Variants in CHRM3 observed in about 807,000 individuals in gnomAD.
CHRM3 encodes muscarinic acetylcholine receptor M3.
In CHRM3, 11 loss-of-function variants were observed where a neutral mutation model predicts 41.8. That is an observed-to-expected ratio of 0.26 (90% CI 0.17 to 0.44). The LOEUF (loss-of-function observed/expected upper bound fraction) is 0.44. CHRM3 is among the 20% of genes least tolerant of loss of function. The pLI is 1.00. For synonymous variants in CHRM3, 297 were observed against 301.4 expected, an observed-to-expected ratio of 0.99 and a Z score of 0.15; for missense variants, 571 against 745.4, an observed-to-expected ratio of 0.77 and a Z score of 2.72.
At chr1:239,773,707 A>G (rs1048092683) in intron 5 of CHRM3, among the ~76,000 whole-genome samples, 1 of 152,152 alleles carries the variant, frequency 6.6e-6, no homozygotes, top group Non-Finnish European at 1.5e-5. Context: ...GCTATCAATC[A>G]CTAGTCAAGG....
In CHRM3 at chr1:239,915,201, T is replaced by C. The variant is rs1680579492; in HGVS notation, c.*5977T>C. On this transcript the variant is annotated 3_prime_UTR_variant, in exon 7 of 7. Transcript: ENST00000676153. ...ATATTTGCTTTGTAAGCAAAGGGCA[T>C]GTATCATACTCGCATCTAAAACAGT... is the stretch of plus-strand genomic sequence containing the variant. 6.0e-6 allele frequency: 1 copy of C among 167,096 alleles called. No homozygotes were observed. Among genetic ancestry groups the C allele is most frequent in the Non-Finnish European group, 1.5e-5 (1 of 68,132 alleles). The allele number at this position is 167,096 out of a possible 1,614,324, so 10.4% of individuals were successfully genotyped here. A position where few individuals can be genotyped will look rare whatever the true frequency, so the allele number is the denominator to read the frequency against.
intron 3 of CHRM3, among the ~76,000 whole-genome samples, chr1:239,593,057 T>C (rs1407171198): frequency 2.0e-5 from 3 of 152,090 alleles, no homozygotes; most frequent in Non-Finnish European, 4.4e-5. Flanking sequence ...AGCCCATGTC[T>C]AGCCCAGTTG....
In CHRM3 at chr1:239,793,803, A is replaced by ATTTTTTTTTTTT. The variant is rs67460907; in HGVS notation, c.-146-33435_-146-33424dup. ...TGAACTTGTCAGAAATGAAATGTGT[A>ATTTTTTTTTTTT]TTTTTTTTTTTTTTTTTTTTTTTTT... is the stretch of plus-strand genomic sequence containing the variant. On this transcript the variant is annotated intron_variant, in intron 5 of 6. Coordinates refer to ENST00000676153, the MANE Select transcript of CHRM3 (RefSeq NM_001375978.1). 4.4e-3 allele frequency among the ~76,000 whole-genome samples: 306 copies of ATTTTTTTTTTTT among 69,484 alleles called. 19 individuals carry two copies. Among genetic ancestry groups the ATTTTTTTTTTTT allele is most frequent in the Non-Finnish European group, 4.9e-3 (197 of 40,598 alleles). 45.6% of individuals were successfully genotyped at this position (69,484 alleles called of 152,430 possible).
intron 5 of CHRM3, chr1:239,730,608 A>G (rs542330657): frequency 6.6e-6 from 1 of 152,102 alleles, no homozygotes; most frequent in South Asian, 2.1e-4. Context: ...TGTACAGAGA[A>G]ACTGATGATA....
intron 6 of CHRM3, among the ~76,000 whole-genome samples, chr1:239,894,024 T>G (rs1339901105): frequency 6.6e-6 from 1 of 152,216 alleles, no homozygotes; most frequent in Non-Finnish European, 1.5e-5. Flanking sequence ...TCTCATCTTG[T>G]TGAGAGGAAT....
rs74623681 is a variant in CHRM3 at position 239,816,974 on chromosome 1, C to T, written c.-146-10278C>T. ...TATCCAACTCCTGACTCCCCCACCT[C>T]GGCCTCCCAAAGTGCTGGGATTACA... On this transcript the variant is annotated intron_variant, in intron 5 of 6. Transcript: ENST00000676153. Among the ~76,000 whole-genome samples the T allele has an allele frequency of 5.5e-3, 841 of 152,272 alleles. 8 individuals are homozygous for T. The highest frequency in any genetic ancestry group is 0.019 in the African/African-American group (790 of 41,558).
chr1:239,505,517 A>G (rs1668510954), intron 2 of CHRM3, among the ~76,000 whole-genome samples: 1 of 152,140 alleles, frequency 6.6e-6, no homozygotes, highest in Admixed American at 6.5e-5. Context: ...GCCATGTGAG[A>G]CATGCCTTTC....
At chr1:239,772,787 C>T (rs746599800) in intron 5 of CHRM3, among the ~76,000 whole-genome samples, 1 of 152,174 alleles carries the variant, frequency 6.6e-6, no homozygotes, top group Non-Finnish European at 1.5e-5. Context: ...TTCCAACAAG[C>T]TCTTACCCAT....
intron 2 of CHRM3, among the ~76,000 whole-genome samples, chr1:239,521,360 AC>A (rs1418697301): frequency 3.3e-5 from 5 of 152,188 alleles, no homozygotes; most frequent in African/African-American, 1.2e-4. Flanking sequence ...CTTTGGGAAG[AC>A]AGTGAATCTT....
At chr1:239,438,871 A>G (rs1302906071) in intron 1 of CHRM3, among the ~76,000 whole-genome samples, 1 of 152,212 alleles carries the variant, frequency 6.6e-6, no homozygotes, top group Non-Finnish European at 1.5e-5. Context: ...AGTTGCCCAA[A>G]TGTGCACCAG....
intron 6 of CHRM3, among the ~76,000 whole-genome samples, chr1:239,874,299 A>ATATATATATCTATATACACAGTG (rs1553291961): frequency 1.2e-4 from 14 of 116,664 alleles, no homozygotes; most frequent in South Asian, 2.6e-4. Flanking sequence ...ATATATATAT[A>ATATATATATCTATATACACAGTG]TATATATATA....
intron 6 of CHRM3, among the ~76,000 whole-genome samples, chr1:239,877,593 T>TC: frequency 6.6e-6 from 1 of 152,306 alleles, no homozygotes; most frequent in Non-Finnish European, 1.5e-5. Context: ...AAGTAATATC[T>TC]CCATTTTATA....
chr1:239,760,390 T>C (rs1016770277), intron 5 of CHRM3, among the ~76,000 whole-genome samples: 1 of 152,026 alleles, frequency 6.6e-6, no homozygotes, highest in Non-Finnish European at 1.5e-5. Context: ...GAAAAAAAAA[T>C]ATGTAGTTTA....
At chr1:239,821,806 C>T (rs569524537) in intron 5 of CHRM3, among the ~76,000 whole-genome samples, 5 of 152,190 alleles carry the variant, frequency 3.3e-5, no homozygotes, top group South Asian at 2.1e-4. Flanking sequence ...AATTGTAATC[C>T]GCATAATCCC....
Position 239,753,134 on chromosome 1 carries a change from G to A in CHRM3, c.-146-74118G>A, listed in dbSNP as rs116646922. ...TATGCTTTCTGAAATCTATTATAGCGAGCACAAAAATCCCTATCAAAGAGA... is the reference window on the plus strand; with the variant it reads ...TATGCTTTCTGAAATCTATTATAGCAAGCACAAAAATCCCTATCAAAGAGA... On this transcript the variant is annotated intron_variant, in intron 5 of 6. Transcript: ENST00000676153. 7.4e-3 allele frequency among the ~76,000 whole-genome samples: 1,121 copies of A among 152,156 alleles called. 4 individuals are homozygous for A. Among genetic ancestry groups the A allele is most frequent in the Non-Finnish European group, 0.012 (795 of 68,002 alleles).
intron 5 of CHRM3, among the ~76,000 whole-genome samples, chr1:239,742,645 C>A (rs143252465): frequency 6.6e-6 from 1 of 152,054 alleles, no homozygotes; most frequent in Non-Finnish European, 1.5e-5. Flanking sequence ...AACAGGCTTG[C>A]GTAACAGGAA....
At position 239,748,408 on chromosome 1, in the gene CHRM3, T is replaced by C. The variant is rs1199287656; in HGVS notation, c.-147+70120T>C. Among the ~76,000 whole-genome samples, 1 of 152,164 alleles carries C rather than the reference T, an allele frequency of 6.6e-6. No homozygotes were observed. The highest frequency in any genetic ancestry group is 1.5e-5 in the Non-Finnish European group (1 of 68,038). On this transcript the variant is annotated intron_variant, in intron 5 of 6. Transcript: ENST00000676153. The surrounding 1 kb of genome is among the most constrained non-coding windows in gnomAD (Gnocchi z 4.3). ...TCAATTTCCCATTACTGCCACTCCATGGTGCACATTTCCTGAGCCATTATT... is the reference window on the plus strand; with the variant it reads ...TCAATTTCCCATTACTGCCACTCCACGGTGCACATTTCCTGAGCCATTATT...
chr1:239,834,148 TCACACACACACACACACACACACACA>T (rs34990180), intron 6 of CHRM3, among the ~76,000 whole-genome samples: 8 of 135,232 alleles, frequency 5.9e-5, no homozygotes, highest in African/African-American at 1.7e-4. Context: ...TAATTCCACA[TCACACACACACACACACACACACACA>T]CACACACACA....
intron 5 of CHRM3, chr1:239,719,527 C>G (rs890487197): frequency 6.6e-6 from 1 of 151,900 alleles, no homozygotes; most frequent in Non-Finnish European, 1.5e-5. Context: ...GTAATTCTGA[C>G]CATTTCATCT....
Sources: gnomAD v4.1 joint callset for allele counts (sites outside exome capture counted in the v4.1 genomes callset) on GRCh38, gnomAD v4.1.1 for gene constraint, Gnocchi (gnomAD v3.1) non-coding constraint, MANE v1.5 for transcripts, NCBI Gene and HGNC (gene_info 2026-07-23, HGNC 2026-07-21) for gene names.